The following STPG2 variants were observed in gnomAD, a reference collection of about 807,000 sequenced individuals.
STPG2 encodes the protein sperm-tail PG-rich repeat-containing protein 2.
A neutral mutation model predicts 54.2 loss-of-function variants in STPG2; 56 were observed. The observed-to-expected ratio is 1.03, with a 90% CI of 0.83 to 1.29. The LOEUF (loss-of-function observed/expected upper bound fraction) is 1.29. Among genes scored for constraint, STPG2 ranks in the 50% most tolerant of loss-of-function variants. The pLI is 0.00. For missense variants in STPG2, 596 were observed against 544.9 expected (o/e 1.09, Z -0.93); for synonymous variants, 200 against 181.8 (o/e 1.10, Z -0.81).
intron 9 of STPG2, among the ~76,000 whole-genome samples, chr4:97,741,237 T>C (rs1307645939): frequency 1.3e-5 from 2 of 152,116 alleles, no homozygotes; most frequent in Non-Finnish European, 2.9e-5. Flanking sequence ...GACTTAAACA[T>C]TAGACCTAAA....
At chr4:97,745,242 A>G (rs1725384883) in intron 9 of STPG2, among the ~76,000 whole-genome samples, 1 of 73,176 alleles carries the variant, frequency 1.4e-5, no homozygotes, top group Non-Finnish European at 3.7e-5. Flanking sequence ...ATGGCATAAA[A>G]CTAAAAAAAA....
At chr4:97,454,536 A>G (rs1290534559) in intron 4 of STPG2, among the ~76,000 whole-genome samples, 2 of 120,290 alleles carry the variant, frequency 1.7e-5, no homozygotes, top group Admixed American at 7.4e-5. Context: ...AAAAAAAAAA[A>G]AAAAAAAAAA....
intron 10 of STPG2, among the ~76,000 whole-genome samples, chr4:97,617,207 C>T (rs1012893986): frequency 2.0e-5 from 3 of 151,514 alleles, no homozygotes; most frequent in African/African-American, 7.3e-5. Context: ...TTGTTTAAAG[C>T]TGTATACCCA....
intron 10 of STPG2, among the ~76,000 whole-genome samples, chr4:97,701,424 A>G (rs1723771106): frequency 6.6e-6 from 1 of 152,196 alleles, no homozygotes; most frequent in Non-Finnish European, 1.5e-5. Flanking sequence ...GCCAGTGTTC[A>G]GTAGTCCCCA....
At chr4:98,045,455 T>G (rs559606817) in intron 5 of STPG2, among the ~76,000 whole-genome samples, 1 of 152,288 alleles carries the variant, frequency 6.6e-6, no homozygotes, top group African/African-American at 2.4e-5. Flanking sequence ...GTACTTAAAG[T>G]TATACAGAAA....
At chr4:97,701,527 G>C (rs1345399060) in intron 10 of STPG2, among the ~76,000 whole-genome samples, 1 of 152,136 alleles carries the variant, frequency 6.6e-6, no homozygotes, top group Middle Eastern at 3.2e-3. Context: ...TAAATTGTTG[G>C]TAGTGTAGTG....
chr4:98,072,921 C>G (rs1163708659), intron 5 of STPG2, among the ~76,000 whole-genome samples: 1 of 152,166 alleles, frequency 6.6e-6, no homozygotes, highest in African/African-American at 2.4e-5. Context: ...GTTGAGCAAG[C>G]TATTTAATCT....
intron 5 of STPG2, among the ~76,000 whole-genome samples, chr4:98,087,652 C>T (rs1466037920): frequency 6.6e-6 from 1 of 151,564 alleles, no homozygotes; most frequent in African/African-American, 2.4e-5. Flanking sequence ...GCTCCGCCTC[C>T]CGGGTTCACG....
At chr4:98,019,174 C>A (rs1163606155) in intron 5 of STPG2, among the ~76,000 whole-genome samples, 1 of 152,068 alleles carries the variant, frequency 6.6e-6, no homozygotes, top group Non-Finnish European at 1.5e-5. Flanking sequence ...AGTCTTTAAT[C>A]CATCTTGAAT....
At chr4:97,953,914 T>C (rs1733569234) in intron 7 of STPG2, among the ~76,000 whole-genome samples, 1 of 152,216 alleles carries the variant, frequency 6.6e-6, no homozygotes. Context: ...TATACACTAT[T>C]TTGTCTTTCC....
intron 10 of STPG2, among the ~76,000 whole-genome samples, chr4:97,601,985 G>A (rs183971659): frequency 7.2e-5 from 10 of 139,434 alleles, no homozygotes; most frequent in East Asian, 3.9e-4. Context: ...TTATTTCTAT[G>A]TACCCCATAT....
intron 10 of STPG2, among the ~76,000 whole-genome samples, chr4:97,711,532 T>C (rs1397605492): frequency 6.6e-6 from 1 of 152,182 alleles, no homozygotes; most frequent in Non-Finnish European, 1.5e-5. Context: ...CAGCAGGCAT[T>C]AGTCTTTGTC....
At chr4:97,925,927 C>T (rs1003305634) in intron 8 of STPG2, among the ~76,000 whole-genome samples, 6 of 152,110 alleles carry the variant, frequency 3.9e-5, no homozygotes, top group Non-Finnish European at 7.4e-5. Context: ...CCTTTTATTC[C>T]TCAAGGCTTA....
intron 5 of STPG2, among the ~76,000 whole-genome samples, chr4:98,022,564 T>G (rs1181262937): frequency 6.6e-6 from 1 of 151,874 alleles, no homozygotes; most frequent in African/African-American, 2.4e-5. Context: ...AATGTTGGCC[T>G]GCCTTGCTAG....
At chr4:97,782,195 C>A (rs184049777) in intron 9 of STPG2, among the ~76,000 whole-genome samples, 1 of 152,142 alleles carries the variant, frequency 6.6e-6, no homozygotes, top group African/African-American at 2.4e-5. Flanking sequence ...ATCATCTCAG[C>A]CCAAAATCTC....
At chr4:97,569,399 G>A (rs768271565) in intron 10 of STPG2, among the ~76,000 whole-genome samples, 5 of 152,128 alleles carry the variant, frequency 3.3e-5, no homozygotes, top group Admixed American at 1.3e-4. Context: ...GATCAGCAAC[G>A]TCTTTATGAC....
chr4:98,012,901 G>A (rs1735803092), intron 5 of STPG2, among the ~76,000 whole-genome samples: 2 of 152,218 alleles, frequency 1.3e-5, no homozygotes, highest in Admixed American at 6.5e-5. Flanking sequence ...TTCAAAAAGA[G>A]ACAATTTGAC....
intron 5 of STPG2, among the ~76,000 whole-genome samples, chr4:97,991,184 T>G (rs1560625452): frequency 6.6e-6 from 1 of 151,994 alleles, no homozygotes; most frequent in Non-Finnish European, 1.5e-5. Flanking sequence ...TTACTTCACT[T>G]AGATTAATGG....
chr4:97,655,039 G>GT (rs1722181633), intron 10 of STPG2, among the ~76,000 whole-genome samples: 1 of 151,910 alleles, frequency 6.6e-6, no homozygotes, highest in African/African-American at 2.4e-5. Flanking sequence ...ATTAACCCTG[G>GT]TTATCTCTGG....
Sources: allele counts gnomAD v4.1 joint callset (sites outside exome capture counted in the v4.1 genomes callset), GRCh38; gene constraint gnomAD v4.1.1; transcripts MANE v1.5; gene names NCBI Gene and HGNC (gene_info 2026-07-23, HGNC 2026-07-21).